The following IL10RB variants were observed in gnomAD, a reference collection of about 807,000 sequenced individuals.
The protein encoded by IL10RB is interleukin 10 receptor subunit beta.
IL10RB carries 30 observed loss-of-function variants against 38.7 expected under a neutral mutation model. That is an observed-to-expected ratio of 0.78 (90% CI 0.58 to 1.05). The LOEUF is 1.05. Ranked by LOEUF, IL10RB falls within the 50% of genes least tolerant of loss-of-function variation. The probability of loss-of-function intolerance (pLI) is 0.00; values close to 1 mark genes in which losing one functional copy is unlikely to be tolerated. For synonymous variants in IL10RB, 142 were observed against 145.9 expected, an observed-to-expected ratio of 0.97 and a Z score of 0.19; for missense variants, 328 against 397.1, an observed-to-expected ratio of 0.83 and a Z score of 1.48.
At chr21:33,277,501 A>G (rs2515716) in intron 3 of IL10RB, among the ~76,000 whole-genome samples, 55,523 of 151,584 alleles carry the variant, frequency 0.37, 10,802 homozygotes, top group Non-Finnish European at 0.45. Flanking sequence ...AAAAGAACCT[A>G]ATTCACAAAA....
intron 4 of IL10RB, among the ~76,000 whole-genome samples, chr21:33,281,638 A>T (rs1429149258): frequency 6.6e-6 from 1 of 152,166 alleles, no homozygotes; most frequent in Non-Finnish European, 1.5e-5. Flanking sequence ...GCTGGAAAGC[A>T]GCGGTGCGAT....
downstream of IL10RB, among the ~76,000 whole-genome samples, chr21:33,300,372 C>T (rs984608008): frequency 8.0e-5 from 12 of 149,770 alleles, no homozygotes; most frequent in African/African-American, 3.0e-4. Flanking sequence ...ACCCGGGAGG[C>T]GGAGGTTGCA....
At chr21:33,281,522 G>A (rs8178496) in intron 4 of IL10RB, among the ~76,000 whole-genome samples, 59 of 152,308 alleles carry the variant, frequency 3.9e-4, no homozygotes, top group African/African-American at 1.4e-3. Flanking sequence ...ACCGAGTGTG[G>A]AAAGGCTGCC....
chr21:33,290,101 G>A lies in IL10RB; in HGVS notation c.804+1840G>A, dbSNP rs368537916. Among the ~76,000 whole-genome samples, 10 of 151,438 alleles carry A rather than the reference G, an allele frequency of 6.6e-5. No homozygotes were observed. The East Asian group carries it at 1.2e-3, about 18-fold the overall frequency. ...TGCACTCTAACCTGGGCAACAGAGC[G>A]AGACTCCGTCTCAAAAAAAAAAAAT... On this transcript the variant is annotated intron_variant, in intron 6 of 6. Transcript: ENST00000290200.
intron 6 of IL10RB, among the ~76,000 whole-genome samples, chr21:33,293,806 CAAAA>C (rs5843595): frequency 3.4e-5 from 5 of 145,816 alleles, no homozygotes; most frequent in Non-Finnish European, 6.1e-5. Context: ...GACTCGATCT[CAAAA>C]AAAAAAAAAA....
chr21:33,293,302 G>T (rs1989525324), intron 6 of IL10RB, among the ~76,000 whole-genome samples: 1 of 152,214 alleles, frequency 6.6e-6, no homozygotes, highest in African/African-American at 2.4e-5. Context: ...GGCTGCCTCT[G>T]GCAAGGGCAC....
chr21:33,271,162 C>T (rs146796971), intron 2 of IL10RB, among the ~76,000 whole-genome samples: 24 of 152,170 alleles, frequency 1.6e-4, no homozygotes, highest in African/African-American at 5.8e-4. Context: ...ATGTGCTGGC[C>T]GTGTCCTTGG....
chr21:33,279,323 A>G (rs1371703344), intron 3 of IL10RB, among the ~76,000 whole-genome samples: 2 of 152,248 alleles, frequency 1.3e-5, no homozygotes, highest in Non-Finnish European at 2.9e-5. Context: ...TATGTTAAAC[A>G]TGTAAAGGTG....
Position 33,276,573 on chromosome 21 carries a change from G to A in IL10RB, c.174-23G>A, listed in dbSNP as rs1302455693. 3 of 1,605,278 alleles carry A rather than the reference G, an allele frequency of 1.9e-6. No homozygotes were observed. In the African/African-American group the frequency reaches 4.0e-5, roughly 22 times the overall value. ...GACTGAAGCCAGAACTCTCCTGATTGACCTATCTTTTTGATTGTGTAGTTA... is the reference window on the plus strand; with the variant it reads ...GACTGAAGCCAGAACTCTCCTGATTAACCTATCTTTTTGATTGTGTAGTTA... On this transcript the variant is annotated intron_variant, in intron 2 of 6. Transcript: ENST00000290200.
intron 2 of IL10RB, among the ~76,000 whole-genome samples, chr21:33,274,779 G>A (rs905736716): frequency 1.3e-5 from 2 of 152,174 alleles, no homozygotes; most frequent in East Asian, 1.9e-4. Flanking sequence ...AGTAGATTTG[G>A]CATAATTCTT....
rs1175618021 is a variant in IL10RB at position 33,270,521 on chromosome 21, C to T, written c.173+2004C>T. Among the ~76,000 whole-genome samples the T allele has an allele frequency of 4.0e-4, 60 of 151,890 alleles. 1 individual carries two copies. Among genetic ancestry groups the T allele is most frequent in the Admixed American group, 3.9e-3 (60 of 15,232 alleles). On this transcript the variant is annotated intron_variant, in intron 2 of 6. Transcript: ENST00000290200. ...TCAGCCTCCCGAGTAGCTGGGACTA[C>T]AGGCGCCCGCCACCACGCCCGGCTA...
intron 3 of IL10RB, among the ~76,000 whole-genome samples, chr21:33,277,349 T>A (rs1041654883): frequency 5.6e-4 from 76 of 134,808 alleles, no homozygotes; most frequent in African/African-American, 1.6e-3. Flanking sequence ...AAAAAAAAAA[T>A]ATTGTTCCCA....
intron 4 of IL10RB, among the ~76,000 whole-genome samples, chr21:33,282,835 C>T (rs1457514749): frequency 6.6e-6 from 1 of 152,088 alleles, no homozygotes; most frequent in Non-Finnish European, 1.5e-5. Context: ...CCTGCTTTAT[C>T]TTTTTTAAAA....
chr21:33,283,401 GA>G (rs1989315696), intron 5 of IL10RB, among the ~76,000 whole-genome samples, 160 bp downstream of exon 5: 1 of 152,198 alleles, frequency 6.6e-6, no homozygotes, highest in South Asian at 2.1e-4. Context: ...CTAGGAAGGA[GA>G]CCACACCCGC....
At chr21:33,278,704 T>G (rs1347690794) in intron 3 of IL10RB, among the ~76,000 whole-genome samples, 1 of 152,232 alleles carries the variant, frequency 6.6e-6, no homozygotes, top group African/African-American at 2.4e-5. Context: ...ATTGGAGATT[T>G]GCCTCTTGAA....
At chr21:33,307,801 T>A (rs1026290600) in intron 1 of IL10RB, among the ~76,000 whole-genome samples, 1 of 152,244 alleles carries the variant, frequency 6.6e-6, no homozygotes, top group South Asian at 2.1e-4. Context: ...TTACTTGACA[T>A]CATAATATTT....
At chr21:33,298,068 C>CT (rs2082975045), downstream of IL10RB, among the ~76,000 whole-genome samples, 1 of 152,166 alleles carries the variant, frequency 6.6e-6, no homozygotes, top group African/African-American at 2.4e-5. Flanking sequence ...CCTCAGGCTT[C>CT]TTTTCTCTTA....
In IL10RB at chr21:33,288,107, C is replaced by T. The variant is rs746250523; in HGVS notation, c.650C>T (p.Thr217Met). ...ACATGCCCATTACCCCTGGCAGAAA[C>T]GGTCCCCTCCTGGATGGTGGCCGTC... Reference protein sequence around the residue: ...PVCEQTTHDETVPSWMVAVIL... With the variant: ...PVCEQTTHDEMVPSWMVAVIL... Residue 217 changes from threonine to methionine, a missense_variant, in exon 6 of 7, where the codon ACG (threonine) becomes ATG (methionine). Thr to Met is a moderately conservative substitution (Grantham distance 81). Transcript: ENST00000290200. 9.3e-6 allele frequency: 15 copies of T among 1,613,920 alleles called. No individual in the cohort carries two copies. Among genetic ancestry groups the T allele is most frequent in the South Asian group, 3.3e-5 (3 of 91,076 alleles).
At chr21:33,305,450 A>G (rs1457425128) in intron 1 of IL10RB, among the ~76,000 whole-genome samples, 1 of 152,128 alleles carries the variant, frequency 6.6e-6, no homozygotes, top group Non-Finnish European at 1.5e-5. Context: ...ACTGGTAAGC[A>G]AAGGTCACTC....
Sources: gnomAD v4.1 joint callset for allele counts (sites outside exome capture counted in the v4.1 genomes callset) on GRCh38, gnomAD v4.1.1 for gene constraint, MANE v1.5 for transcripts, NCBI Gene and HGNC (gene_info 2026-07-23, HGNC 2026-07-21) for gene names.